The following PTPRD variants were observed in gnomAD, a reference collection of about 807,000 sequenced individuals.
The protein encoded by PTPRD is receptor-type tyrosine-protein phosphatase delta.
Under a neutral mutation model 214.5 loss-of-function variants are expected in PTPRD, and 34 were observed. The ratio of observed to expected loss-of-function variants is 0.16; its 90% CI spans 0.12 to 0.21. The LOEUF (loss-of-function observed/expected upper bound fraction) is 0.21, where lower values mean the gene tolerates loss of function less well. PTPRD is among the 10% of genes least tolerant of loss of function. The pLI is 1.00. For synonymous variants in PTPRD, 1,128 were observed against 845.7 expected, an observed-to-expected ratio of 1.33 and a Z score of -5.79; for missense variants, 2,545 against 2,398.7, an observed-to-expected ratio of 1.06 and a Z score of -1.27.
chr9:10,505,381 G>A (rs987444074), intron 2 of PTPRD, among the ~76,000 whole-genome samples: 1 of 152,114 alleles, frequency 6.6e-6, no homozygotes, highest in African/African-American at 2.4e-5. Flanking sequence ...CATAAAACAA[G>A]GGTTCCTGTT....
At chr9:10,532,630 T>G (rs2056693701) in intron 2 of PTPRD, among the ~76,000 whole-genome samples, 1 of 147,760 alleles carries the variant, frequency 6.8e-6, no homozygotes, top group South Asian at 2.1e-4. Flanking sequence ...TATTTATATA[T>G]ATTAGATATT....
chr9:9,380,415 A>T (rs2061879030), intron 9 of PTPRD, among the ~76,000 whole-genome samples: 1 of 152,054 alleles, frequency 6.6e-6, no homozygotes, highest in Admixed American at 6.6e-5. Flanking sequence ...ATATATACTT[A>T]TGGGGTACAT....
At chr9:9,914,849 T>A (rs1027099135) in intron 5 of PTPRD, among the ~76,000 whole-genome samples, 6 of 152,230 alleles carry the variant, frequency 3.9e-5, no homozygotes, top group African/African-American at 1.4e-4. Context: ...ACTGCTTCTA[T>A]GTCATGGGCC....
At chr9:9,792,248 T>C (rs1021497637) in intron 5 of PTPRD, among the ~76,000 whole-genome samples, 16 of 152,162 alleles carry the variant, frequency 1.1e-4, no homozygotes, top group Non-Finnish European at 2.2e-4. Flanking sequence ...TAGTACTGCA[T>C]GTTATTTAAT....
chr9:9,256,697 C>T (rs972556202), intron 9 of PTPRD, among the ~76,000 whole-genome samples: 1 of 151,932 alleles, frequency 6.6e-6, no homozygotes, highest in African/African-American at 2.4e-5. Context: ...AGATAAATAG[C>T]AGTGCCCTGA....
rs1020782386 is a variant in PTPRD at position 9,021,973 on chromosome 9, C to A, written c.-142-3238G>T. Among the ~76,000 whole-genome samples the A allele has an allele frequency of 1.0e-4, 14 of 138,108 alleles. No homozygotes were observed. The Admixed American group carries it at 1.1e-3, about 10-fold the overall frequency. The allele number at this position is 138,108 out of a possible 152,430, so 90.6% of individuals were successfully genotyped here. On this transcript the variant is annotated intron_variant, in intron 10 of 45. Coordinates refer to ENST00000381196, the MANE Select transcript of PTPRD (RefSeq NM_002839.4). ...GAACATCACACACTGGGACATGTAG[C>A]GGGGTGGGGGGCAAGGGGAGGGAGA...
At chr9:9,798,829 T>TA (rs1363740419) in intron 5 of PTPRD, among the ~76,000 whole-genome samples, 1 of 152,160 alleles carries the variant, frequency 6.6e-6, no homozygotes, top group Non-Finnish European at 1.5e-5. Flanking sequence ...GATATGGAGA[T>TA]ATAATCAGAG....
At chr9:9,865,327 G>A (rs565847086) in intron 5 of PTPRD, among the ~76,000 whole-genome samples, 2 of 152,294 alleles carry the variant, frequency 1.3e-5, no homozygotes, top group Non-Finnish European at 2.9e-5. Flanking sequence ...ATTAAATACT[G>A]AGAGCTCTGC....
chr9:9,926,141 T>C (rs1566393064), intron 5 of PTPRD, among the ~76,000 whole-genome samples: 2 of 152,156 alleles, frequency 1.3e-5, no homozygotes, highest in Non-Finnish European at 2.9e-5. Flanking sequence ...ACTTCTCTTA[T>C]ACGTTCCAGG....
chr9:9,385,972 T>TAGCTGTG (rs2063744737), intron 9 of PTPRD, among the ~76,000 whole-genome samples: 1 of 152,152 alleles, frequency 6.6e-6, no homozygotes, highest in Non-Finnish European at 1.5e-5. Flanking sequence ...TGTGTATCTA[T>TAGCTGTG]TTGCTTCTGG....
intron 11 of PTPRD, among the ~76,000 whole-genome samples, chr9:8,976,883 A>G (rs1456951570): frequency 6.6e-6 from 1 of 152,080 alleles, no homozygotes; most frequent in Non-Finnish European, 1.5e-5. Flanking sequence ...TTTTTCTACG[A>G]GGATGATGTT....
chr9:10,145,007 T>C (rs2099012693), intron 3 of PTPRD, among the ~76,000 whole-genome samples: 2 of 151,972 alleles, frequency 1.3e-5, no homozygotes, highest in Admixed American at 1.3e-4. Context: ...TCCTCCTTTA[T>C]CAGGAAAAAA....
intron 34 of PTPRD, among the ~76,000 whole-genome samples, chr9:8,442,747 C>T (rs1377966240): frequency 6.6e-6 from 1 of 152,068 alleles, no homozygotes; most frequent in Non-Finnish European, 1.5e-5. Flanking sequence ...TTATTTGTAT[C>T]ACAAACTAAT....
intron 12 of PTPRD, chr9:8,713,730 G>A (rs2098396816): frequency 2.0e-6 from 3 of 1,506,894 alleles, no homozygotes; most frequent in Admixed American, 1.7e-5. Context: ...GACGCCGGCA[G>A]GCTGTCAAGC....
At chr9:9,195,595 A>G (rs981090992) in intron 9 of PTPRD, among the ~76,000 whole-genome samples, 2 of 152,040 alleles carry the variant, frequency 1.3e-5, no homozygotes, top group Non-Finnish European at 2.9e-5. Context: ...ATTTTCCTCA[A>G]TTCATCACAC....
chr9:8,800,126 A>G (rs752322391), intron 11 of PTPRD, among the ~76,000 whole-genome samples: 7 of 152,024 alleles, frequency 4.6e-5, no homozygotes, highest in Admixed American at 4.6e-4. Context: ...TCATTTCCCT[A>G]CCTTCCACAT....
intron 10 of PTPRD, among the ~76,000 whole-genome samples, chr9:9,115,381 T>A (rs548241225): frequency 3.8e-4 from 58 of 152,046 alleles, no homozygotes; most frequent in Non-Finnish European, 7.2e-4. Context: ...GGAAAAAATG[T>A]TCACCATCAC....
In PTPRD at chr9:9,787,219, T is replaced by TA. The variant is rs199780885; in HGVS notation, c.-367-20369dup. Among the ~76,000 whole-genome samples, 159 of 146,870 alleles carry TA rather than the reference T, an allele frequency of 1.1e-3. 1 individual carries two copies. The highest frequency in any genetic ancestry group is 3.8e-3 in the Admixed American group (55 of 14,646). The stretch of plus-strand genomic sequence containing the variant: ...AACTAGATTTTATAAAATATTTCAT[T>TA]AAAAAAAAAAGAACAAACAGTACTA... On this transcript the variant is annotated intron_variant, in intron 5 of 45. Transcript: ENST00000381196.
At chr9:10,146,278 T>C (rs1202109637) in intron 3 of PTPRD, among the ~76,000 whole-genome samples, 2 of 151,888 alleles carry the variant, frequency 1.3e-5, no homozygotes. Context: ...CATACATAAA[T>C]TTATTCAATG....
Sources: gnomAD v4.1 joint callset for allele counts (sites outside exome capture counted in the v4.1 genomes callset) on GRCh38, gnomAD v4.1.1 for gene constraint, MANE v1.5 for transcripts, NCBI Gene and HGNC (gene_info 2026-07-23, HGNC 2026-07-21) for gene names.